Variants in DAB1 observed in about 807,000 individuals in gnomAD.
DAB1 encodes DAB adaptor protein 1.
DAB1 carries 15 observed loss-of-function variants against 64.6 expected under a neutral mutation model. The observed-to-expected ratio is 0.23, with a 90% CI of 0.16 to 0.36. The LOEUF is 0.36. Ranked by LOEUF, DAB1 falls within the 10% of genes least tolerant of loss-of-function variation. The pLI is 1.00. For synonymous variants in DAB1, 235 were observed against 251.9 expected, an observed-to-expected ratio of 0.93 and a Z score of 0.64; for missense variants, 596 against 706.7, an observed-to-expected ratio of 0.84 and a Z score of 1.78.
chr1:57,111,911 T>C (rs1335344312), intron 4 of DAB1, among the ~76,000 whole-genome samples: 1 of 152,178 alleles, frequency 6.6e-6, no homozygotes, highest in African/African-American at 2.4e-5. Flanking sequence ...GGTTAGGTGT[T>C]CAGGAGTCAA....
chr1:58,228,550 G>A, intron 4 of DAB1: 1 of 413,742 alleles, frequency 2.4e-6, no homozygotes, highest in Non-Finnish European at 4.6e-6. Flanking sequence ...ATCGTGTGTG[G>A]ATATGGCAGG....
At chr1:57,669,011 G>T (rs545913691) in intron 6 of DAB1, among the ~76,000 whole-genome samples, 2 of 152,208 alleles carry the variant, frequency 1.3e-5, no homozygotes, top group African/African-American at 4.8e-5. Context: ...TTGTGATTAT[G>T]TTTATGATTG....
At chr1:58,407,355 T>A (rs1267670025) in intron 3 of DAB1, among the ~76,000 whole-genome samples, 1 of 152,216 alleles carries the variant, frequency 6.6e-6, no homozygotes, top group African/African-American at 2.4e-5. Flanking sequence ...TTGGTCTGTG[T>A]TGTTTATAGC....
intron 7 of DAB1, among the ~76,000 whole-genome samples, chr1:57,613,636 G>A (rs936190538): frequency 7.2e-5 from 11 of 152,084 alleles, no homozygotes; most frequent in Admixed American, 1.3e-4. Flanking sequence ...AAATAAATAC[G>A]AAAAAGAGTC....
chr1:57,642,624 G>A (rs895737315), intron 7 of DAB1, among the ~76,000 whole-genome samples: 10 of 152,186 alleles, frequency 6.6e-5, no homozygotes, highest in South Asian at 4.1e-4. Flanking sequence ...AAATATTCAC[G>A]TTACAACTCC....
intron 3 of DAB1, among the ~76,000 whole-genome samples, chr1:58,386,710 T>C (rs1644435542): frequency 6.6e-6 from 1 of 152,178 alleles, no homozygotes; most frequent in Non-Finnish European, 1.5e-5. Flanking sequence ...GGGAGATCCA[T>C]ACCCTACCTC....
At chr1:57,793,725 C>G (rs1046028421) in intron 6 of DAB1, among the ~76,000 whole-genome samples, 3 of 152,178 alleles carry the variant, frequency 2.0e-5, no homozygotes, top group Admixed American at 2.0e-4. Flanking sequence ...ACTCAGCTTC[C>G]ATTTTTGTAA....
intron 7 of DAB1, among the ~76,000 whole-genome samples, chr1:57,526,164 C>G (rs1374246080): frequency 1.3e-5 from 2 of 152,148 alleles, no homozygotes; most frequent in Non-Finnish European, 2.9e-5. Context: ...TCTCAAACCC[C>G]TGACCCTGTG....
chr1:57,445,696 A>G (rs1443911920), intron 7 of DAB1, among the ~76,000 whole-genome samples: 1 of 152,202 alleles, frequency 6.6e-6, no homozygotes, highest in African/African-American at 2.4e-5. Flanking sequence ...TTTAATTATG[A>G]TTTCATTTCT....
intron 1 of DAB1, among the ~76,000 whole-genome samples, chr1:57,354,962 C>G (rs1471226075): frequency 2.0e-5 from 3 of 152,090 alleles, no homozygotes; most frequent in African/African-American, 7.2e-5. Context: ...CCTGTCTTCT[C>G]CACGATTAGC....
chr1:58,118,777 A>G (rs1652549645), intron 5 of DAB1, among the ~76,000 whole-genome samples: 1 of 151,482 alleles, frequency 6.6e-6, no homozygotes, highest in Admixed American at 6.6e-5. Flanking sequence ...CTGAGGCACC[A>G]ACAGGTAAAG....
intron 2 of DAB1, among the ~76,000 whole-genome samples, chr1:57,175,219 T>C (rs895425129): frequency 2.0e-5 from 3 of 152,112 alleles, no homozygotes; most frequent in Non-Finnish European, 2.9e-5. Context: ...TGCTAACTTG[T>C]GATAAAAAGA....
intron 4 of DAB1, among the ~76,000 whole-genome samples, chr1:57,111,650 C>G (rs1655668496): frequency 6.6e-6 from 1 of 152,138 alleles, no homozygotes; most frequent in Non-Finnish European, 1.5e-5. Flanking sequence ...CCCAGTCACT[C>G]CCTATCACAT....
At chr1:57,580,921 C>T (rs1645305377) in intron 7 of DAB1, among the ~76,000 whole-genome samples, 1 of 152,234 alleles carries the variant, frequency 6.6e-6, no homozygotes, top group Admixed American at 6.5e-5. Context: ...GCAGGGCTGC[C>T]TGGCTGAGTT....
At chr1:57,426,003 G>A (rs573394543), upstream of DAB1, among the ~76,000 whole-genome samples, 1 of 152,250 alleles carries the variant, frequency 6.6e-6, no homozygotes. Context: ...GAGAAGACAT[G>A]GTCGAAACAG....
chr1:58,222,423 T>C (rs1191442900), intron 4 of DAB1, among the ~76,000 whole-genome samples: 2 of 152,260 alleles, frequency 1.3e-5, no homozygotes, highest in Non-Finnish European at 2.9e-5. Context: ...ATTCACTTCC[T>C]GGGCACTAAC....
intron 9 of DAB1, among the ~76,000 whole-genome samples, chr1:57,036,955 TA>T (rs1050747583): frequency 1.3e-5 from 2 of 152,074 alleles, no homozygotes; most frequent in African/African-American, 4.8e-5. Context: ...GGACTTGGGA[TA>T]AAAAAAATCT....
chr1:58,539,785 C>T (rs1646575682), intron 1 of DAB1, among the ~76,000 whole-genome samples: 1 of 152,114 alleles, frequency 6.6e-6, no homozygotes, highest in Admixed American at 6.5e-5. Flanking sequence ...AGCTTATTGC[C>T]TGGAGAGTGC....
In DAB1 at chr1:58,476,530, A is replaced by T. The variant is rs539492854; in HGVS notation, n.257+29530T>A. On this transcript the variant is annotated intron_variant and non_coding_transcript_variant, in intron 3 of 20. Transcript: ENST00000485760. The stretch of plus-strand genomic sequence containing the variant: ...AGGCTGGGAGCGAGCCACTGGCCTA[A>T]CTTTTCTGATGGAAGTTAGGGGGCA... Among the ~76,000 whole-genome samples the T allele has an allele frequency of 1.6e-3, 249 of 152,314 alleles. 1 individual carries two copies. The highest frequency in any genetic ancestry group is 5.8e-3 in the African/African-American group (243 of 41,572).
Sources: gnomAD v4.1 joint callset for allele counts (sites outside exome capture counted in the v4.1 genomes callset) on GRCh38, gnomAD v4.1.1 for gene constraint, MANE v1.5 for transcripts, NCBI Gene and HGNC (gene_info 2026-07-23, HGNC 2026-07-21) for gene names.